Variants in GPHN observed in about 807,000 individuals in gnomAD.
GPHN encodes the protein gephyrin.
A neutral mutation model predicts 95.5 loss-of-function variants in GPHN; 17 were observed. The observed-to-expected ratio is 0.18, with a 90% confidence interval of 0.12 to 0.27. The LOEUF (loss-of-function observed/expected upper bound fraction) is 0.27, where lower values mean the gene tolerates loss of function less well. GPHN is among the 10% of genes least tolerant of loss of function. GPHN has a pLI of 1.00. For synonymous variants in GPHN, 320 were observed against 322.5 expected (o/e 0.99, Z 0.08); for missense variants, 660 against 978.1 (o/e 0.67, Z 4.34).
chr14:67,423,123 G>A, the GPHN span, among the ~76,000 whole-genome samples: 28 of 152,126 alleles, frequency 1.8e-4, no homozygotes, highest in East Asian at 1.7e-3. Context: ...GTGAGCCACC[G>A]AGCGGTGGCC....
At chr14:67,577,025 G>A in the GPHN span, among the ~76,000 whole-genome samples, 1 of 151,998 alleles carries the variant, frequency 6.6e-6, no homozygotes, top group African/African-American at 2.4e-5. Context: ...TAAGAAAGAG[G>A]CCTCCCCTGC....
At chr14:66,842,775 G>T (rs2062150930) in intron 4 of GPHN, 3 of 1,256,690 alleles carry the variant, frequency 2.4e-6, no homozygotes, top group South Asian at 1.4e-5. Flanking sequence ...TTAGTGTTTT[G>T]GTTTCTTTTA....
In GPHN at chr14:66,819,515, C is replaced by T. The variant is rs531375890; in HGVS notation, c.202-4959C>T. Among the ~76,000 whole-genome samples, 8 of 152,048 alleles carry T rather than the reference C, an allele frequency of 5.3e-5. No individual in the cohort carries two copies. The South Asian group carries it at 1.7e-3, about 32-fold the overall frequency. ...GGTTCTCTATTCTGTTCCATTGGTCCATGTGTCTTTTTGTGCCAATATCAT... is the reference window on the plus strand; with the variant it reads ...GGTTCTCTATTCTGTTCCATTGGTCTATGTGTCTTTTTGTGCCAATATCAT... On this transcript the variant is annotated intron_variant, in intron 3 of 22. Transcript: ENST00000478722.
At chr14:66,853,671 C>T (rs1403613146) in intron 4 of GPHN, among the ~76,000 whole-genome samples, 1 of 152,170 alleles carries the variant, frequency 6.6e-6, no homozygotes, top group Non-Finnish European at 1.5e-5. Flanking sequence ...CTGGCCCCGC[C>T]CAGGGCACAA....
chr14:67,179,476 G>A, intron 21 of GPHN, 102 bp from the exon 22 acceptor site: 1 of 736,074 alleles, frequency 1.4e-6, no homozygotes, highest in Non-Finnish European at 2.5e-6. Context: ...ACCAAGGTTA[G>A]TCTCCATGTC....
chr14:66,676,962 G>T (rs559144849), intron 1 of GPHN, among the ~76,000 whole-genome samples: 5 of 151,722 alleles, frequency 3.3e-5, no homozygotes, highest in Admixed American at 6.6e-5. Flanking sequence ...GTTTAATCTC[G>T]TTACTCATTA....
intron 3 of GPHN, among the ~76,000 whole-genome samples, chr14:66,801,255 C>G (rs1248564355): frequency 6.6e-6 from 1 of 152,136 alleles, no homozygotes; most frequent in Non-Finnish European, 1.5e-5. Flanking sequence ...TTGATACTTG[C>G]AGATGTTCAT....
chr14:67,651,183 G>A, the GPHN span: 6 of 1,038,202 alleles, frequency 5.8e-6, no homozygotes, highest in African/African-American at 1.6e-5. Context: ...TATTACCTTG[G>A]TATATCATAC....
chr14:67,662,551 A>ATC, the GPHN span: 1 of 1,601,528 alleles, frequency 6.2e-7, no homozygotes, highest in Non-Finnish European at 8.5e-7. Flanking sequence ...AAAGATAGAT[A>ATC]AGTTTCAAAT....
At chr14:66,827,980 A>C (rs2061443006) in intron 4 of GPHN, among the ~76,000 whole-genome samples, 1 of 152,010 alleles carries the variant, frequency 6.6e-6, no homozygotes, top group Admixed American at 6.6e-5. Flanking sequence ...TCTTATATTC[A>C]TATATACCTA....
At chr14:67,572,277 G>A in the GPHN span, 1 of 1,594,204 alleles carries the variant, frequency 6.3e-7, no homozygotes, top group Non-Finnish European at 8.5e-7. Context: ...GCCTGGGCGG[G>A]GTGAGCCGGG....
the GPHN span, among the ~76,000 whole-genome samples, chr14:67,631,847 C>G: frequency 6.6e-6 from 1 of 152,016 alleles, no homozygotes; most frequent in African/African-American, 2.4e-5. Flanking sequence ...TTACTGTCAC[C>G]TGTATGCTGA....
chr14:67,208,937 A>C, the GPHN span, among the ~76,000 whole-genome samples: 1 of 152,004 alleles, frequency 6.6e-6, no homozygotes, highest in African/African-American at 2.4e-5. Flanking sequence ...AAGCACGGAA[A>C]AAGCAAAATT....
chr14:67,529,743 C>T, the GPHN span, among the ~76,000 whole-genome samples: 1,618 of 152,252 alleles, frequency 0.011, 33 homozygotes, highest in African/African-American at 0.037. Flanking sequence ...TGACAATCAC[C>T]GAAGAGCCAA....
At chr14:67,255,910 C>T in the GPHN span, among the ~76,000 whole-genome samples, 1 of 152,220 alleles carries the variant, frequency 6.6e-6, no homozygotes, top group Admixed American at 6.5e-5. Flanking sequence ...TGGTCTGGAA[C>T]TCCTGACCTC....
At chr14:67,685,073 T>C in the GPHN span, 1 of 1,614,178 alleles carries the variant, frequency 6.2e-7, no homozygotes, top group Non-Finnish European at 8.5e-7. Context: ...TGCAGGCTGG[T>C]CTGGGCTCCC....
chr14:67,705,832 T>G, the GPHN span: 1 of 152,234 alleles, frequency 6.6e-6, no homozygotes, highest in African/African-American at 2.4e-5. Flanking sequence ...TCTTTTTATT[T>G]TCCCTAGGGA....
chr14:67,250,015 A>G, the GPHN span, among the ~76,000 whole-genome samples: 3 of 152,206 alleles, frequency 2.0e-5, no homozygotes, highest in South Asian at 2.1e-4. Context: ...CTGAGTTTCT[A>G]TCAAGATAAA....
At chr14:67,361,635 T>TCCTAC in the GPHN span, among the ~76,000 whole-genome samples, 1 of 152,232 alleles carries the variant, frequency 6.6e-6, no homozygotes, top group East Asian at 1.9e-4. Context: ...GAGAAAGAAG[T>TCCTAC]CCTACCTACC....
Sources: gnomAD v4.1 joint callset for allele counts (sites outside exome capture counted in the v4.1 genomes callset) on GRCh38, gnomAD v4.1.1 for gene constraint, MANE v1.5 for transcripts, NCBI Gene and HGNC (gene_info 2026-07-23, HGNC 2026-07-21) for gene names.